FARS2: variants seen among roughly 807,000 people sequenced by gnomAD.
FARS2 encodes the protein phenylalanine--tRNA ligase, mitochondrial.
Under a neutral mutation model 46.4 loss-of-function variants are expected in FARS2, and 40 were observed. That is an observed-to-expected ratio of 0.86 (90% confidence interval 0.67 to 1.12). The LOEUF (loss-of-function observed/expected upper bound fraction) is 1.12, where lower values mean the gene tolerates loss of function less well. Among genes scored for constraint, FARS2 ranks in the 50% most tolerant of loss-of-function variants. The probability of loss-of-function intolerance (pLI) is 0.00; values close to 1 mark genes in which losing one functional copy is unlikely to be tolerated. For synonymous variants in FARS2, 234 were observed against 214.9 expected (o/e 1.09, Z -0.78); for missense variants, 513 against 567.9 (o/e 0.90, Z 0.98).
In FARS2 at chr6:5,759,135, G is replaced by A. The variant is rs559132038; in HGVS notation, c.1218-12156G>A. ...ACCTAGATCCCATAGCTCAGAGGAG[G>A]AGAATGGGAATTTAAACTCAGATCA... On this transcript the variant is annotated intron_variant, in intron 6 of 6. Coordinates refer to ENST00000274680, the MANE Select transcript of FARS2 (RefSeq NM_006567.5). 2.6e-5 allele frequency among the ~76,000 whole-genome samples: 4 copies of A among 152,284 alleles called. No individual in the cohort carries two copies. In the South Asian group the frequency reaches 6.2e-4, roughly 24 times the overall value.
chr6:5,510,541 G>A (rs966544866), intron 4 of FARS2, among the ~76,000 whole-genome samples: 1 of 152,232 alleles, frequency 6.6e-6, no homozygotes, highest in Admixed American at 6.5e-5. Flanking sequence ...CTTTGCACAC[G>A]GTGGGCACAC....
chr6:5,618,013 C>T (rs937628354), intron 6 of FARS2, among the ~76,000 whole-genome samples: 10 of 152,156 alleles, frequency 6.6e-5, no homozygotes, highest in African/African-American at 2.4e-4. Context: ...ATATTTTTGA[C>T]GTTGTGGGTC....
At chr6:5,285,104 G>T (rs1321352849) in intron 1 of FARS2, among the ~76,000 whole-genome samples, 3 of 152,218 alleles carry the variant, frequency 2.0e-5, no homozygotes, top group Non-Finnish European at 4.4e-5. Flanking sequence ...AAGGGGGCAG[G>T]CAACAAATAC....
intron 6 of FARS2, among the ~76,000 whole-genome samples, chr6:5,646,107 CAGAG>C (rs1440869261): frequency 1.3e-5 from 2 of 151,962 alleles, no homozygotes; most frequent in African/African-American, 4.8e-5. Flanking sequence ...ACTGACATGA[CAGAG>C]AGGGAGCAGC....
At chr6:5,298,494 A>G (rs1768055541) in intron 1 of FARS2, among the ~76,000 whole-genome samples, 1 of 152,198 alleles carries the variant, frequency 6.6e-6, no homozygotes, top group African/African-American at 2.4e-5. Flanking sequence ...TGCAAAGAGG[A>G]ACTCTGATTT....
At chr6:5,512,367 A>G (rs1160873862) in intron 4 of FARS2, among the ~76,000 whole-genome samples, 1 of 152,094 alleles carries the variant, frequency 6.6e-6, no homozygotes, top group Non-Finnish European at 1.5e-5. Context: ...GCCAAATTAA[A>G]AACAAAATGA....
chr6:5,534,238 A>C (rs568728021), intron 4 of FARS2, among the ~76,000 whole-genome samples: 1 of 141,908 alleles, frequency 7.0e-6, no homozygotes, highest in African/African-American at 2.4e-5. Context: ...AAAATTTTAA[A>C]TATCTACATC....
At chr6:5,378,232 T>G (rs1759508081) in intron 2 of FARS2, among the ~76,000 whole-genome samples, 1 of 151,894 alleles carries the variant, frequency 6.6e-6, no homozygotes, top group African/African-American at 2.4e-5. Context: ...ATGTTGAGAC[T>G]TACACGTTTG....
In FARS2 at chr6:5,328,918, C is replaced by T. The variant is rs115742527; in HGVS notation, c.-21-39632C>T. 5.5e-3 allele frequency among the ~76,000 whole-genome samples: 835 copies of T among 152,230 alleles called. 10 individuals carry two copies. Among genetic ancestry groups the T allele is most frequent in the African/African-American group, 0.019 (798 of 41,540 alleles). On this transcript the variant is annotated intron_variant, in intron 1 of 6. Coordinates refer to ENST00000274680, the MANE Select transcript of FARS2 (RefSeq NM_006567.5). ...TGCCAAAGAGCTCGTTTTTCATACTCCTTCCCCAGACATGACCTTGTAAAT... is the reference window on the plus strand; with the variant it reads ...TGCCAAAGAGCTCGTTTTTCATACTTCTTCCCCAGACATGACCTTGTAAAT...
At chr6:5,592,150 C>T (rs1383601878) in intron 5 of FARS2, among the ~76,000 whole-genome samples, 1 of 152,132 alleles carries the variant, frequency 6.6e-6, no homozygotes, top group African/African-American at 2.4e-5. Context: ...TTTGGGAGGC[C>T]AAGGTGGGAA....
Position 5,613,322 on chromosome 6 carries a change from T to G in FARS2, c.1217+2T>G. 2 of 1,611,012 alleles carry G rather than the reference T, an allele frequency of 1.2e-6. No homozygotes were observed. Among genetic ancestry groups the G allele is most frequent in the Non-Finnish European group, 1.7e-6 (2 of 1,178,594 alleles). On this transcript the variant is annotated splice_donor_variant, in intron 6 of 6. Transcript: ENST00000274680. LOFTEE classifies it high-confidence loss of function. ...CATAGACAAGTTTGTACATCCAAAG[T>G]AAGTGAAAAGCTTTCTGATTTTACC...
rs3888024 is a variant in FARS2 at position 5,300,561 on chromosome 6, G to T, written c.-22+38901G>T. Among the ~76,000 whole-genome samples, 105 of 152,274 alleles carry T rather than the reference G, an allele frequency of 6.9e-4. No homozygotes were observed. The East Asian group carries it at 0.013, about 19-fold the overall frequency. On this transcript the variant is annotated intron_variant, in intron 1 of 6. Transcript: ENST00000274680. ...TTTTTCCCCTTAGTTAATTACTGAG[G>T]TGACAGGTGTCTGTGTGGAGATGGT...
chr6:5,742,897 T>TCAGGAAATGGGCTCC (rs1187928529), intron 6 of FARS2, among the ~76,000 whole-genome samples: 1 of 151,930 alleles, frequency 6.6e-6, no homozygotes, highest in South Asian at 2.1e-4. Context: ...AAATGGGTTC[T>TCAGGAAATGGGCTCC]CAGGAAATGG....
chr6:5,688,065 T>C (rs540230674), intron 6 of FARS2, among the ~76,000 whole-genome samples: 1 of 152,302 alleles, frequency 6.6e-6, no homozygotes, highest in East Asian at 1.9e-4. Context: ...CCTGAGACTT[T>C]GCTGAAGTTG....
At chr6:5,365,800 G>T (rs1390903423) in intron 1 of FARS2, among the ~76,000 whole-genome samples, 2 of 151,978 alleles carry the variant, frequency 1.3e-5, no homozygotes, top group Non-Finnish European at 2.9e-5. Flanking sequence ...CACATATTTT[G>T]TATGTTATAG....
intron 1 of FARS2, among the ~76,000 whole-genome samples, chr6:5,289,946 C>T (rs1767387030): frequency 6.6e-6 from 1 of 152,054 alleles, no homozygotes; most frequent in African/African-American, 2.4e-5. Flanking sequence ...AATTCTTGCA[C>T]CAGAGAAAAT....
At chr6:5,539,501 G>C (rs1172143828) in intron 4 of FARS2, among the ~76,000 whole-genome samples, 1 of 151,240 alleles carries the variant, frequency 6.6e-6, no homozygotes. Flanking sequence ...CAAAGTGCTA[G>C]GATTACAGGT....
chr6:5,366,080 A>G (rs1758657296), intron 1 of FARS2, among the ~76,000 whole-genome samples: 1 of 152,212 alleles, frequency 6.6e-6, no homozygotes, highest in Non-Finnish European at 1.5e-5. Context: ...AAGAATCTGC[A>G]TGTAAGTGGA....
upstream of FARS2, among the ~76,000 whole-genome samples, chr6:5,260,254 CCA>C (rs1244740779): frequency 7.9e-5 from 12 of 152,176 alleles, no homozygotes; most frequent in Non-Finnish European, 1.5e-5. Flanking sequence ...CTGGCCACTT[CCA>C]CTCTCAACTC....
Sources: gnomAD v4.1 joint callset for allele counts (sites outside exome capture counted in the v4.1 genomes callset) on GRCh38, gnomAD v4.1.1 for gene constraint, MANE v1.5 for transcripts, NCBI Gene and HGNC (gene_info 2026-07-23, HGNC 2026-07-21) for gene names.